Variants in FAM184B observed in about 807,000 individuals in gnomAD.
The protein encoded by FAM184B is protein FAM184B.
In FAM184B, 111 loss-of-function variants were observed where a neutral mutation model predicts 135.9. The observed-to-expected ratio is 0.82, with a 90% CI of 0.70 to 0.96. FAM184B has a LOEUF of 0.96. Among genes scored for constraint, FAM184B ranks in the 40% least tolerant of loss-of-function variants. FAM184B has a pLI of 0.00. For missense variants in FAM184B, 1,375 were observed against 1,323.9 expected, an observed-to-expected ratio of 1.04 and a Z score of -0.60; for synonymous variants, 552 against 524.8, an observed-to-expected ratio of 1.05 and a Z score of -0.71.
chr4:17,646,586 G>A (rs1481632871), intron 12 of FAM184B, among the ~76,000 whole-genome samples: 1 of 152,094 alleles, frequency 6.6e-6, no homozygotes, highest in Admixed American at 6.5e-5. Flanking sequence ...GTTGTGGGGT[G>A]GGGGTAGTGG....
rs765262658 is a variant in FAM184B at position 17,630,602 on chromosome 4, G to A, written c.*1930C>T. The A allele has an allele frequency of 2.0e-5, 3 of 152,178 alleles. No homozygotes were observed. The highest frequency in any genetic ancestry group is 4.4e-5 in the Non-Finnish European group (3 of 68,038). The allele number at this position is 152,178 out of a possible 1,614,324, so 9.4% of individuals were successfully genotyped here. A position where few individuals can be genotyped will look rare whatever the true frequency, so the allele number is the denominator to read the frequency against. ...GATATTTTGTTAGAGCAGCCTGAAC[G>A]AACTAAGACACTCTAAGCGGGAAAC... On this transcript the variant is annotated 3_prime_UTR_variant, in exon 18 of 18. Coordinates refer to ENST00000265018, the MANE Select transcript of FAM184B (RefSeq NM_015688.2).
In FAM184B at chr4:17,689,964, C is replaced by T. The variant is rs111528139; in HGVS notation, c.1489-1433G>A. Among the ~76,000 whole-genome samples the T allele has an allele frequency of 4.9e-3, 747 of 152,034 alleles. 13 individuals are homozygous for T. The highest frequency in any genetic ancestry group is 0.017 in the African/African-American group (695 of 41,534). On this transcript the variant is annotated intron_variant, in intron 6 of 17. Coordinates refer to ENST00000265018, the MANE Select transcript of FAM184B (RefSeq NM_015688.2). ...AGGAGTTTGAGACCTGTCTGGCCAA[C>T]ATGGCGAAACCCCATCTCTACTAAA...
At chr4:17,734,022 T>C (rs1466137521) in intron 1 of FAM184B, among the ~76,000 whole-genome samples, 2 of 152,098 alleles carry the variant, frequency 1.3e-5, no homozygotes, top group African/African-American at 4.8e-5. Context: ...TCAGAAATAA[T>C]GCCACATATC....
At chr4:17,645,500 G>A (rs1715441862) in intron 12 of FAM184B, among the ~76,000 whole-genome samples, 1 of 152,262 alleles carries the variant, frequency 6.6e-6, no homozygotes. Context: ...TTAATAAATG[G>A]TGCTGGGAAA....
chr4:17,688,290 T>C (rs114392635), intron 7 of FAM184B, 134 bp downstream of exon 7: 2 of 612,916 alleles, frequency 3.3e-6, no homozygotes, highest in South Asian at 2.0e-5. Flanking sequence ...TTTTTTTTTT[T>C]CCGGGCATTT....
intron 15 of FAM184B, among the ~76,000 whole-genome samples, chr4:17,636,105 AAAAG>A (rs750598778): frequency 1.2e-4 from 18 of 152,208 alleles, no homozygotes; most frequent in East Asian, 1.9e-4. Flanking sequence ...TTAATAATAG[AAAAG>A]AAAGGAGTTT....
rs184434491 is a variant in FAM184B at position 17,713,990 on chromosome 4, G to T, written c.142-4346C>A. Reference sequence around the variant, plus strand: ...GAGGAAGCGGTCTGGGAGGAAAGAAGACTTCCCAGAAAAAGTGGGCCTTGC... The same window carrying T: ...GAGGAAGCGGTCTGGGAGGAAAGAATACTTCCCAGAAAAAGTGGGCCTTGC... On this transcript the variant is annotated intron_variant, in intron 1 of 17. Coordinates refer to ENST00000265018, the MANE Select transcript of FAM184B (RefSeq NM_015688.2). Among the ~76,000 whole-genome samples the T allele has an allele frequency of 2.1e-4, 32 of 152,334 alleles. No homozygotes were observed. In the East Asian group the frequency reaches 6.2e-3, roughly 29 times the overall value.
At chr4:17,664,680 G>GAA (rs34424676) in intron 7 of FAM184B, 21 bp from the exon 8 acceptor site, 2,389 of 1,067,344 alleles carry the variant, frequency 2.2e-3, no homozygotes, top group South Asian at 2.5e-3. Flanking sequence ...AAAAGAAAAA[G>GAA]AAAAAAAAAA....
chr4:17,735,751 G>T (rs530465359), intron 1 of FAM184B, among the ~76,000 whole-genome samples: 67 of 151,896 alleles, frequency 4.4e-4, no homozygotes, highest in African/African-American at 1.5e-3. Flanking sequence ...GACCACAAGT[G>T]CAAGGAACGC....
At chr4:17,722,848 AT>A (rs879908451) in intron 1 of FAM184B, among the ~76,000 whole-genome samples, 2 of 152,094 alleles carry the variant, frequency 1.3e-5, no homozygotes, top group African/African-American at 2.4e-5. Flanking sequence ...TGCGTGAATG[AT>A]TTTTTTTATG....
At chr4:17,721,112 C>T (rs534328152) in intron 1 of FAM184B, among the ~76,000 whole-genome samples, 74 of 151,748 alleles carry the variant, frequency 4.9e-4, no homozygotes, top group Admixed American at 1.2e-3. Flanking sequence ...CGGCTGGGCG[C>T]GGTGGCTTAC....
At chr4:17,681,555 TCA>T (rs1577258361) in intron 7 of FAM184B, among the ~76,000 whole-genome samples, 1 of 152,236 alleles carries the variant, frequency 6.6e-6, no homozygotes, top group East Asian at 1.9e-4. Context: ...ACTCAGGATG[TCA>T]CAGTTGTTTA....
chr4:17,641,821 C>G (rs1715325527), intron 13 of FAM184B, among the ~76,000 whole-genome samples: 1 of 151,912 alleles, frequency 6.6e-6, no homozygotes, highest in Admixed American at 6.6e-5. Context: ...TATTTCAAGG[C>G]ACTTCCTCTG....
chr4:17,639,958 G>A (rs1009791183), intron 13 of FAM184B, among the ~76,000 whole-genome samples: 13 of 151,442 alleles, frequency 8.6e-5, no homozygotes, highest in African/African-American at 2.9e-4. Context: ...CCTCCCAAGT[G>A]GCTGGGATTA....
chr4:17,634,060 T>C (rs1715050458), intron 16 of FAM184B, 172 bp from the exon 17 acceptor site: 4 of 486,300 alleles, frequency 8.2e-6, no homozygotes, highest in Non-Finnish European at 1.4e-5. Context: ...CAATCTTCAT[T>C]TTGTATTATA....
intron 1 of FAM184B, among the ~76,000 whole-genome samples, chr4:17,778,001 G>A (rs1455017304): frequency 6.6e-6 from 1 of 151,734 alleles, no homozygotes; most frequent in Non-Finnish European, 1.5e-5. Flanking sequence ...AGTATGGGAG[G>A]TCAAGGTTGT....
At chr4:17,765,271 G>T (rs2108994369) in intron 1 of FAM184B, among the ~76,000 whole-genome samples, 1 of 152,136 alleles carries the variant, frequency 6.6e-6, no homozygotes, top group East Asian at 1.9e-4. Flanking sequence ...TTCTAGGCTG[G>T]TCTCTTCAAA....
chr4:17,768,732 T>G (rs560502431), intron 1 of FAM184B, among the ~76,000 whole-genome samples: 1 of 152,346 alleles, frequency 6.6e-6, no homozygotes, highest in South Asian at 2.1e-4. Flanking sequence ...TTCTTGCCTA[T>G]GAGGTCCACA....
intron 7 of FAM184B, among the ~76,000 whole-genome samples, chr4:17,666,466 G>A (rs1309570089): frequency 8.5e-5 from 2 of 23,584 alleles, no homozygotes; most frequent in East Asian, 2.4e-3. Context: ...ACTGTGCCTG[G>A]TTCTTTTTTT....
Sources: gnomAD v4.1 joint callset for allele counts (sites outside exome capture counted in the v4.1 genomes callset) on GRCh38, gnomAD v4.1.1 for gene constraint, MANE v1.5 for transcripts, NCBI Gene and HGNC (gene_info 2026-07-23, HGNC 2026-07-21) for gene names.